TMTC1: variants seen among roughly 807,000 people sequenced by gnomAD.
The protein encoded by TMTC1 is transmembrane O-mannosyltransferase targeting cadherins 1.
In TMTC1, 73 loss-of-function variants were observed where a neutral mutation model predicts 104.8. That is an observed-to-expected ratio of 0.70 (90% confidence interval 0.58 to 0.85). The LOEUF (loss-of-function observed/expected upper bound fraction) is 0.85, where lower values mean the gene tolerates loss of function less well. Among genes scored for constraint, TMTC1 ranks in the 40% least tolerant of loss-of-function variants. The pLI is 0.00. For missense variants in TMTC1, 1,035 were observed against 1,096.1 expected (o/e 0.94, Z 0.79); for synonymous variants, 434 against 428.7 (o/e 1.01, Z -0.15).
At chr12:29,542,828 G>C (rs942072913) in intron 10 of TMTC1, among the ~76,000 whole-genome samples, 8 of 152,140 alleles carry the variant, frequency 5.3e-5, no homozygotes, top group Non-Finnish European at 8.8e-5. Context: ...TGGCAGGATG[G>C]GGTTGGGCAG....
At chr12:29,664,130 T>C (rs1348657027) in intron 5 of TMTC1, among the ~76,000 whole-genome samples, 1 of 148,896 alleles carries the variant, frequency 6.7e-6, no homozygotes, top group Non-Finnish European at 1.5e-5. Context: ...GAGCTTGCAG[T>C]GAGCCGAGAT....
At chr12:29,771,414 CCAGA>C (rs1439197908) in intron 1 of TMTC1, among the ~76,000 whole-genome samples, 5 of 152,196 alleles carry the variant, frequency 3.3e-5, no homozygotes, top group Admixed American at 6.5e-5. Flanking sequence ...ACAGACCAAA[CCAGA>C]CAGACAGGGA....
chr12:29,660,771 C>G (rs1397188765), intron 5 of TMTC1: 7 of 830,730 alleles, frequency 8.4e-6, no homozygotes, highest in Non-Finnish European at 1.1e-5. Flanking sequence ...TCAGATATTT[C>G]AAAAGTATAT....
intron 5 of TMTC1, among the ~76,000 whole-genome samples, chr12:29,636,548 G>A (rs900238183): frequency 7.2e-5 from 11 of 151,982 alleles, no homozygotes; most frequent in African/African-American, 2.2e-4. Context: ...ATGCTTTCAC[G>A]GTGGCTCATG....
intron 5 of TMTC1, among the ~76,000 whole-genome samples, chr12:29,638,752 G>T (rs1938688461): frequency 2.0e-5 from 3 of 152,070 alleles, no homozygotes; most frequent in Non-Finnish European, 4.4e-5. Flanking sequence ...TGAGCAGCAG[G>T]GCACCGAAGA....
chr12:29,512,035 TCTC>T lies in TMTC1; in HGVS notation c.2508+5_2508+7del, dbSNP rs1943853250. 6.2e-7 allele frequency: 1 copy of T among 1,613,768 alleles called. No homozygotes were observed. The highest frequency in any genetic ancestry group is 8.5e-7 in the Non-Finnish European group (1 of 1,179,796). On this transcript the variant is annotated splice_donor_5th_base_variant and intron_variant, in intron 17 of 17. Coordinates refer to ENST00000539277, the MANE Select transcript of TMTC1 (RefSeq NM_001193451.2). ...CCCGGTCCACATGGGAGTGAATTAT[TCTC>T]CTACCTTGATGTGTTGGATGCCACC...
intron 5 of TMTC1, among the ~76,000 whole-genome samples, chr12:29,750,515 G>T (rs2136968852): frequency 6.6e-6 from 1 of 152,274 alleles, no homozygotes; most frequent in South Asian, 2.1e-4. Context: ...GCACTTGTCA[G>T]CCCCTCAACA....
At chr12:29,571,852 G>A (rs1246086685) in intron 9 of TMTC1, among the ~76,000 whole-genome samples, 2 of 152,234 alleles carry the variant, frequency 1.3e-5, no homozygotes, top group East Asian at 3.9e-4. Flanking sequence ...TCAGTTCATC[G>A]TGTAATGTAT....
intron 6 of TMTC1, among the ~76,000 whole-genome samples, chr12:29,620,455 G>T (rs1055656462): frequency 3.9e-5 from 6 of 152,128 alleles, no homozygotes; most frequent in Non-Finnish European, 8.8e-5. Context: ...AATTTAAAGT[G>T]AACTAAATTA....
At chr12:29,596,140 G>A (rs1318500967) in intron 7 of TMTC1, among the ~76,000 whole-genome samples, 2 of 152,052 alleles carry the variant, frequency 1.3e-5, no homozygotes, top group Admixed American at 6.5e-5. Context: ...CCAAGTAGCT[G>A]CGATTACAGG....
At chr12:29,581,377 A>G (rs1481830856) in intron 8 of TMTC1, among the ~76,000 whole-genome samples, 3 of 152,212 alleles carry the variant, frequency 2.0e-5, no homozygotes, top group Non-Finnish European at 4.4e-5. Flanking sequence ...GAAAATATCA[A>G]TAGCTTTGAT....
chr12:29,784,080 G>A (rs1450164162), upstream of TMTC1, among the ~76,000 whole-genome samples: 1 of 151,920 alleles, frequency 6.6e-6, no homozygotes, highest in Non-Finnish European at 1.5e-5. Context: ...TCTGCCCCCG[G>A]CCCGCCTTGC....
chr12:29,701,756 C>T (rs1591947527), intron 5 of TMTC1, among the ~76,000 whole-genome samples: 1 of 152,180 alleles, frequency 6.6e-6, no homozygotes, highest in South Asian at 2.1e-4. Context: ...AACCTCTTTC[C>T]AGACTGTATG....
intron 5 of TMTC1, among the ~76,000 whole-genome samples, chr12:29,726,910 A>C (rs1401176706): frequency 6.6e-6 from 1 of 152,252 alleles, no homozygotes; most frequent in Non-Finnish European, 1.5e-5. Flanking sequence ...AGATGTAGTT[A>C]AGAGATAATG....
chr12:29,758,951 T>A (rs997315978), intron 2 of TMTC1, among the ~76,000 whole-genome samples, 174 bp from the exon 3 acceptor site: 2 of 152,306 alleles, frequency 1.3e-5, no homozygotes, highest in East Asian at 1.9e-4. Context: ...GATTATCATA[T>A]ATATTTAATA....
chr12:29,783,644 TGCCCCGGCCAGCAGCGCCGCG>T lies in TMTC1; in HGVS notation c.87_107del (p.Ala30_Ala36del), dbSNP rs1943890375. 3 of 1,425,836 alleles carry T rather than the reference TGCCCCGGCCAGCAGCGCCGCG, an allele frequency of 2.1e-6. No individual in the cohort carries two copies. Among genetic ancestry groups the T allele is most frequent in the African/African-American group, 1.5e-5 (1 of 67,968 alleles). 88.3% of individuals were successfully genotyped at this position (1,425,836 alleles called of 1,614,324 possible). A position where few individuals can be genotyped will look rare whatever the true frequency, so the allele number is the denominator to read the frequency against. ...GGGAGCGGCCGTAGCACAGGCAGCTTGCCCCGGCCAGCAGCGCCGCGGCCCCGGCCGGCGCTAGCCCGCAGC... is the reference window on the plus strand; with the variant it reads ...GGGAGCGGCCGTAGCACAGGCAGCTTGCCCCGGCCGGCGCTAGCCCGCAGC... On this transcript the variant is annotated inframe_deletion, in exon 1 of 18. Coordinates refer to ENST00000539277, the MANE Select transcript of TMTC1 (RefSeq NM_001193451.2). The surrounding 1 kb of genome is among the most constrained non-coding windows in gnomAD (Gnocchi z 4.7).
At chr12:29,676,900 C>T (rs749324867) in intron 5 of TMTC1, among the ~76,000 whole-genome samples, 8 of 152,150 alleles carry the variant, frequency 5.3e-5, no homozygotes, top group Admixed American at 3.9e-4. Context: ...GGCTGGCATG[C>T]CACAGTGTGT....
intron 5 of TMTC1, among the ~76,000 whole-genome samples, chr12:29,636,277 T>A (rs913364496): frequency 2.0e-5 from 3 of 152,118 alleles, no homozygotes; most frequent in Non-Finnish European, 4.4e-5. Context: ...ACTTTTTAAC[T>A]AGGGAAAAAA....
chr12:29,669,286 G>T (rs1940411624), intron 5 of TMTC1, among the ~76,000 whole-genome samples: 1 of 152,352 alleles, frequency 6.6e-6, no homozygotes, highest in East Asian at 1.9e-4. Context: ...TGAACAGAGA[G>T]ACTAAAGTGG....
Sources: allele counts gnomAD v4.1 joint callset (sites outside exome capture counted in the v4.1 genomes callset), GRCh38; gene constraint gnomAD v4.1.1; non-coding constraint Gnocchi (gnomAD v3.1); transcripts MANE v1.5; gene names NCBI Gene and HGNC (gene_info 2026-07-23, HGNC 2026-07-21).